The following ERCC8 variants were observed in gnomAD, a reference collection of about 807,000 sequenced individuals.
ERCC8 encodes ERCC excision repair 8, CSA ubiquitin ligase complex subunit.
ERCC8 carries 52 observed loss-of-function variants against 54.9 expected under a neutral mutation model. That is an observed-to-expected ratio of 0.95 (90% CI 0.76 to 1.19). The LOEUF is 1.19. Ranked by LOEUF, ERCC8 falls within the 50% of genes most tolerant of loss-of-function variation. The probability of loss-of-function intolerance (pLI) is 0.00; values close to 1 mark genes in which losing one functional copy is unlikely to be tolerated. For synonymous variants in ERCC8, 146 were observed against 157.2 expected, an observed-to-expected ratio of 0.93 and a Z score of 0.53; for missense variants, 514 against 466.1, an observed-to-expected ratio of 1.10 and a Z score of -0.95.
At chr5:60,925,422 A>G (rs1449425816) in intron 2 of ERCC8, among the ~76,000 whole-genome samples, 1 of 152,112 alleles carries the variant, frequency 6.6e-6, no homozygotes, top group Non-Finnish European at 1.5e-5. Flanking sequence ...CTTTGGAAAG[A>G]TATTAGAGTC....
intron 4 of ERCC8, among the ~76,000 whole-genome samples, chr5:60,915,695 G>C (rs1037386589): frequency 6.6e-6 from 1 of 151,842 alleles, no homozygotes; most frequent in African/African-American, 2.4e-5. Flanking sequence ...TTCAAAGCTA[G>C]CAATTTTACA....
chr5:60,888,513 C>G (rs979467769), intron 10 of ERCC8, among the ~76,000 whole-genome samples: 3 of 152,016 alleles, frequency 2.0e-5, no homozygotes, highest in African/African-American at 7.2e-5. Flanking sequence ...ACTAACACAC[C>G]CAGTGAAGAC....
intron 2 of ERCC8, among the ~76,000 whole-genome samples, chr5:60,925,585 A>T (rs1749723205): frequency 6.6e-6 from 1 of 152,204 alleles, no homozygotes; most frequent in African/African-American, 2.4e-5. Flanking sequence ...TTATCCAGGT[A>T]TATCAGATGC....
At chr5:60,930,390 C>G (rs1749873410) in intron 1 of ERCC8, among the ~76,000 whole-genome samples, 1 of 152,136 alleles carries the variant, frequency 6.6e-6, no homozygotes, top group African/African-American at 2.4e-5. Flanking sequence ...AACCCCGTCT[C>G]TACTAAAAAT....
intron 5 of ERCC8, 109 bp downstream of exon 5, chr5:60,904,668 ATATATATATATATAT>A (rs1749014175): frequency 2.5e-5 from 4 of 160,408 alleles, no homozygotes; most frequent in South Asian, 1.9e-4. Context: ...ATATATATAT[ATATATATATATATAT>A]AAAATTGTGA....
At chr5:60,895,763 T>C (rs1002007070) in intron 9 of ERCC8, among the ~76,000 whole-genome samples, 1 of 152,134 alleles carries the variant, frequency 6.6e-6, no homozygotes, top group African/African-American at 2.4e-5. Context: ...CCTGGAAAAA[T>C]TATAAACTGC....
rs1010178443 is a variant in ERCC8, at chr5:60,909,414, T to C, written c.400-4541A>G. On this transcript the variant is annotated intron_variant, in intron 4 of 11. Coordinates refer to ENST00000676185, the MANE Select transcript of ERCC8 (RefSeq NM_000082.4). ...AGCAGAACACACAAAAATTACGATG[T>C]ATTTCCATAGTTATACCAAGTGTGG... Among the ~76,000 whole-genome samples the C allele has an allele frequency of 2.0e-5, 3 of 152,062 alleles. No individual in the cohort carries two copies. The South Asian group carries it at 6.2e-4, about 31-fold the overall frequency.
intron 11 of ERCC8, among the ~76,000 whole-genome samples, chr5:60,881,582 G>A (rs1284803816): frequency 2.6e-5 from 4 of 152,190 alleles, no homozygotes; most frequent in Non-Finnish European, 5.9e-5. Flanking sequence ...CCCCAGCCTG[G>A]CTGCCGCCTT....
At chr5:60,926,023 C>T (rs965613160) in intron 2 of ERCC8, among the ~76,000 whole-genome samples, 5 of 152,054 alleles carry the variant, frequency 3.3e-5, no homozygotes, top group African/African-American at 1.2e-4. Context: ...CGGGGTTTCA[C>T]CACGTTGGCC....
Position 60,868,009 on chromosome 5 carries a change from T to C in ERCC8, c.*6606A>G, listed in dbSNP as rs1170016304. The stretch of plus-strand genomic sequence containing the variant: ...CAGCCAGACCAACATGGAGAAACCC[T>C]GTCTCTACTAAAAATACAAAATAAG... On this transcript the variant is annotated 3_prime_UTR_variant, in exon 12 of 12. Transcript: ENST00000676185. Among the ~76,000 whole-genome samples the C allele has an allele frequency of 1.3e-5, 2 of 152,152 alleles. No individual in the cohort carries two copies. Among genetic ancestry groups the C allele is most frequent in the Admixed American group, 1.3e-4 (2 of 15,272 alleles).
chr5:60,874,537 A>G lies in ERCC8; in HGVS notation c.*78T>C, dbSNP rs1747938978. 8.0e-7 allele frequency: 1 copy of G among 1,252,302 alleles called. No homozygotes were observed. Among genetic ancestry groups the G allele is most frequent in the Admixed American group, 1.8e-5 (1 of 55,360 alleles). 77.6% of individuals were successfully genotyped at this position (1,252,302 alleles called of 1,614,324 possible). A position where few individuals can be genotyped will look rare whatever the true frequency, so the allele number is the denominator to read the frequency against. ...ATTTAGGGCTAATTTAGCTGTCAGG[A>G]ATAGACCATACAGTTGAAAAAAACA... is the stretch of plus-strand genomic sequence containing the variant. On this transcript the variant is annotated 3_prime_UTR_variant, in exon 12 of 12. Transcript: ENST00000676185.
chr5:60,909,350 A>C (rs1189969949), intron 4 of ERCC8, among the ~76,000 whole-genome samples: 1 of 150,320 alleles, frequency 6.7e-6, no homozygotes, highest in African/African-American at 2.4e-5. Context: ...TAGTGGAAGA[A>C]GGTTCAGTAC....
chr5:60,927,952 A>G (rs1749800016), intron 2 of ERCC8, among the ~76,000 whole-genome samples: 1 of 152,240 alleles, frequency 6.6e-6, no homozygotes, highest in South Asian at 2.1e-4. Context: ...TAATAATAAT[A>G]TTTCAGTATA....
chr5:60,887,383 A>C (rs1415805665), intron 11 of ERCC8, 57 bp downstream of exon 11: 1 of 1,407,434 alleles, frequency 7.1e-7, no homozygotes, highest in African/African-American at 1.4e-5. Context: ...TAAAGTAACA[A>C]AACATTATTT....
chr5:60,917,235 T>TA (rs1406945387), intron 4 of ERCC8, among the ~76,000 whole-genome samples: 1 of 151,770 alleles, frequency 6.6e-6, no homozygotes, highest in Non-Finnish European at 1.5e-5. Flanking sequence ...AATGTAATTG[T>TA]AAAAAAAGAT....
intron 9 of ERCC8, among the ~76,000 whole-genome samples, chr5:60,895,572 C>T (rs1748700982): frequency 6.6e-6 from 1 of 152,090 alleles, no homozygotes; most frequent in Non-Finnish European, 1.5e-5. Context: ...CATATGAAAG[C>T]ACCTGGAACA....
intron 4 of ERCC8, among the ~76,000 whole-genome samples, chr5:60,915,634 A>C (rs963030871): frequency 6.6e-6 from 1 of 152,048 alleles, no homozygotes; most frequent in East Asian, 1.9e-4. Flanking sequence ...TACTTTCTCC[A>C]TCTTCCAGAG....
intron 1 of ERCC8, among the ~76,000 whole-genome samples, chr5:60,938,044 CATACATATATATATATATATATATAT>C (rs1485385246): frequency 1.8e-4 from 3 of 16,702 alleles, no homozygotes; most frequent in Non-Finnish European, 3.2e-4. Flanking sequence ...TACATACATA[CATACATATATATATATATATATATAT>C]ATATATATAT....
chr5:60,917,315 C>T (rs1222195854), intron 4 of ERCC8, among the ~76,000 whole-genome samples: 1 of 151,504 alleles, frequency 6.6e-6, no homozygotes, highest in African/African-American at 2.4e-5. Flanking sequence ...AGATTCAAAA[C>T]ACGATCAGTT....
Sources: allele counts gnomAD v4.1 joint callset (sites outside exome capture counted in the v4.1 genomes callset), GRCh38; gene constraint gnomAD v4.1.1; transcripts MANE v1.5; gene names NCBI Gene and HGNC (gene_info 2026-07-23, HGNC 2026-07-21).